NOX4: variants seen among roughly 807,000 people sequenced by gnomAD.
NOX4 encodes kidney oxidase-1.
A neutral mutation model predicts 87.6 loss-of-function variants in NOX4; 69 were observed. The ratio of observed to expected loss-of-function variants is 0.79; its 90% CI spans 0.65 to 0.96. The LOEUF (loss-of-function observed/expected upper bound fraction) is 0.96, where lower values mean the gene tolerates loss of function less well. Ranked by LOEUF, NOX4 falls within the 40% of genes least tolerant of loss-of-function variation. NOX4 has a pLI of 0.00. For missense variants in NOX4, 680 were observed against 681.5 expected (o/e 1.00, Z 0.02); for synonymous variants, 275 against 238.2 (o/e 1.15, Z -1.42).
At chr11:89,464,322 G>A (rs1945589527) in intron 2 of NOX4, among the ~76,000 whole-genome samples, 1 of 152,042 alleles carries the variant, frequency 6.6e-6, no homozygotes, top group South Asian at 2.1e-4. Context: ...TCTCATACAT[G>A]TTTGTTCCTG....
At chr11:89,573,725 G>T in the NOX4 span, among the ~76,000 whole-genome samples, 1 of 152,196 alleles carries the variant, frequency 6.6e-6, no homozygotes, top group South Asian at 2.1e-4. Flanking sequence ...GGAAAAAAAG[G>T]AAAGATCACT....
chr11:89,506,584 A>G, the NOX4 span, among the ~76,000 whole-genome samples: 1 of 151,812 alleles, frequency 6.6e-6, no homozygotes, highest in Non-Finnish European at 1.5e-5. Context: ...AATTGATGTT[A>G]GAGGTCATTA....
At chr11:89,480,223 A>G (rs1565342644) in intron 2 of NOX4, among the ~76,000 whole-genome samples, 1 of 152,174 alleles carries the variant, frequency 6.6e-6, no homozygotes, top group Non-Finnish European at 1.5e-5. Context: ...AGCATATTGC[A>G]TGCTAAGGGT....
the NOX4 span, among the ~76,000 whole-genome samples, chr11:89,586,817 G>A: frequency 3.3e-5 from 5 of 152,216 alleles, no homozygotes; most frequent in South Asian, 1.0e-3. Flanking sequence ...AATATTTCAG[G>A]AGGAAGAAAA....
intron 13 of NOX4, among the ~76,000 whole-genome samples, chr11:89,353,008 T>G (rs187831484): frequency 1.3e-5 from 2 of 152,104 alleles, no homozygotes; most frequent in Non-Finnish European, 2.9e-5. Context: ...TTAGTAGAGA[T>G]GGGTTTCACC....
At chr11:89,417,827 G>A (rs1375915069) in intron 8 of NOX4, among the ~76,000 whole-genome samples, 1 of 152,034 alleles carries the variant, frequency 6.6e-6, no homozygotes, top group East Asian at 1.9e-4. Flanking sequence ...ACAACACTAT[G>A]ATATAAGTGA....
intron 3 of NOX4, among the ~76,000 whole-genome samples, chr11:89,451,417 T>G (rs1389637691): frequency 6.6e-6 from 1 of 152,120 alleles, no homozygotes; most frequent in African/African-American, 2.4e-5. Context: ...CAAATTAGGA[T>G]TGACCTTAGC....
chr11:89,547,535 A>T, the NOX4 span, among the ~76,000 whole-genome samples: 4 of 152,226 alleles, frequency 2.6e-5, no homozygotes, highest in Admixed American at 2.0e-4. Context: ...GAGGCTTATT[A>T]GAAATCACAA....
At chr11:89,328,929 T>A in intron 17 of NOX4, among the ~76,000 whole-genome samples, 1 of 151,844 alleles carries the variant, frequency 6.6e-6, no homozygotes, top group Non-Finnish European at 1.5e-5. Flanking sequence ...AGGAGAGAGA[T>A]CTCAGGAAAC....
At chr11:89,512,421 C>T in the NOX4 span, among the ~76,000 whole-genome samples, 1 of 151,996 alleles carries the variant, frequency 6.6e-6, no homozygotes, top group Non-Finnish European at 1.5e-5. Flanking sequence ...AACCAACTCC[C>T]CATTTCCCCT....
intron 7 of NOX4, among the ~76,000 whole-genome samples, chr11:89,424,089 A>T (rs1297913761): frequency 6.6e-6 from 1 of 151,712 alleles, no homozygotes; most frequent in African/African-American, 2.4e-5. Flanking sequence ...ATATATATAT[A>T]ATAATTAAGG....
intron 7 of NOX4, among the ~76,000 whole-genome samples, chr11:89,422,496 G>T (rs555887518): frequency 6.6e-6 from 1 of 152,160 alleles, no homozygotes; most frequent in African/African-American, 2.4e-5. Context: ...TGCTCTGGGG[G>T]AGGACAAAGA....
chr11:89,509,862 A>C, the NOX4 span, among the ~76,000 whole-genome samples: 1 of 151,992 alleles, frequency 6.6e-6, no homozygotes, highest in South Asian at 2.1e-4. Context: ...AGCACTCTAC[A>C]TAAAGATGAA....
intron 2 of NOX4, among the ~76,000 whole-genome samples, chr11:89,456,891 G>C (rs1945227127): frequency 6.6e-6 from 1 of 152,120 alleles, no homozygotes; most frequent in Non-Finnish European, 1.5e-5. Flanking sequence ...TGTTGGACCT[G>C]GACAGAACAT....
chr11:89,423,692 TA>T (rs540871176), intron 7 of NOX4, among the ~76,000 whole-genome samples: 1 of 151,628 alleles, frequency 6.6e-6, no homozygotes, highest in African/African-American at 2.4e-5. Context: ...TTTGCTAAAT[TA>T]AAAAAAACAA....
chr11:89,452,821 C>G (rs1485071757), intron 2 of NOX4, among the ~76,000 whole-genome samples: 1 of 151,984 alleles, frequency 6.6e-6, no homozygotes, highest in Non-Finnish European at 1.5e-5. Context: ...TTCAAGCTAT[C>G]CTCCTGCCTC....
At chr11:89,411,822 G>T (rs967342370) in intron 8 of NOX4, among the ~76,000 whole-genome samples, 4 of 152,152 alleles carry the variant, frequency 2.6e-5, no homozygotes, top group Admixed American at 2.0e-4. Context: ...ATACTTATCA[G>T]CAATAACATA....
chr11:89,361,923 C>A (rs892303557), intron 12 of NOX4, among the ~76,000 whole-genome samples: 4 of 152,000 alleles, frequency 2.6e-5, no homozygotes, highest in African/African-American at 9.7e-5. Context: ...CCATCAGGGT[C>A]GGCCTCAGAT....
the NOX4 span, among the ~76,000 whole-genome samples, chr11:89,535,696 G>A: frequency 6.6e-6 from 1 of 151,722 alleles, no homozygotes; most frequent in Non-Finnish European, 1.5e-5. Flanking sequence ...AAAAAAAAAG[G>A]ACTGTATACA....
Sources: allele counts gnomAD v4.1 joint callset (sites outside exome capture counted in the v4.1 genomes callset), GRCh38; gene constraint gnomAD v4.1.1; transcripts MANE v1.5; gene names NCBI Gene and HGNC (gene_info 2026-07-23, HGNC 2026-07-21).